FRMD7: variants seen among roughly 807,000 people sequenced by gnomAD.
FRMD7 encodes FERM domain containing 7.
In FRMD7, 14 loss-of-function variants were observed where a neutral mutation model predicts 44.1. The observed-to-expected ratio is 0.32, with a 90% CI of 0.21 to 0.50. The LOEUF (loss-of-function observed/expected upper bound fraction) is 0.50. Ranked by LOEUF, FRMD7 falls within the 20% of genes least tolerant of loss-of-function variation. FRMD7 has a pLI of 0.99. For synonymous variants in FRMD7, 212 were observed against 187.4 expected, an observed-to-expected ratio of 1.13 and a Z score of -1.07; for missense variants, 501 against 522.3, an observed-to-expected ratio of 0.96 and a Z score of 0.40.
intron 1 of FRMD7, among the ~76,000 whole-genome samples, chrX:132,109,816 T>C (rs1363506619): frequency 9.0e-6 from 1 of 111,330 alleles, no homozygotes; most frequent in Non-Finnish European, 1.9e-5. Flanking sequence ...AAGAAGAGTG[T>C]TAGAGGCAGA....
intron 3 of FRMD7, among the ~76,000 whole-genome samples, chrX:132,098,569 T>C (rs1384863053): frequency 9.0e-6 from 1 of 110,921 alleles, no homozygotes. Flanking sequence ...GTGATCCTTA[T>C]GCAGTGGGAA....
At chrX:132,107,568 G>A (rs1277091759) in intron 1 of FRMD7, among the ~76,000 whole-genome samples, 1 of 101,643 alleles carries the variant, frequency 9.8e-6, no homozygotes, top group African/African-American at 3.8e-5. Context: ...TTCTTGGTTT[G>A]TAAATGGCTG....
chrX:132,115,485 C>G (rs1404820128), intron 1 of FRMD7, among the ~76,000 whole-genome samples: 1 of 112,228 alleles, frequency 8.9e-6, no homozygotes, highest in Non-Finnish European at 1.9e-5. Context: ...AAAGAGAAAG[C>G]ATGGTTTAAC....
chrX:132,110,136 C>T (rs931791164), intron 1 of FRMD7, among the ~76,000 whole-genome samples: 1 of 111,355 alleles, frequency 9.0e-6, no homozygotes, highest in Non-Finnish European at 1.9e-5. Flanking sequence ...AATGCAGGTT[C>T]AGATTCTATA....
At chrX:132,087,113 T>G (rs942790712) in intron 5 of FRMD7, among the ~76,000 whole-genome samples, 4 of 112,320 alleles carry the variant, frequency 3.6e-5, no homozygotes, top group African/African-American at 6.5e-5. Context: ...TTTTGATTTT[T>G]GGATTCTTTT....
intron 1 of FRMD7, among the ~76,000 whole-genome samples, chrX:132,125,435 C>T (rs1602842937): frequency 8.9e-6 from 1 of 111,784 alleles, no homozygotes; most frequent in Admixed American, 9.5e-5. Flanking sequence ...TGGTTATGAT[C>T]CATGCCTCTT....
At position 132,080,152 on chromosome X, in the gene FRMD7, A is replaced by G. The variant is rs373562264; in HGVS notation, c.974+46T>C. ...ATACCAGGATACATAGAAATCTCCA[A>G]ATTCAACATAAAATCAACACGAGCA... On this transcript the variant is annotated intron_variant, in intron 10 of 11. Coordinates refer to ENST00000298542, the MANE Select transcript of FRMD7 (RefSeq NM_194277.3). 3 of 1,136,068 alleles carry G rather than the reference A, an allele frequency of 2.6e-6. No individual in the cohort carries two copies. The South Asian group carries it at 5.4e-5, about 21-fold the overall frequency. The allele number at this position is 1,136,068 out of a possible 1,213,427, so 93.6% of individuals were successfully genotyped here.
At chrX:132,084,697 C>G in intron 7 of FRMD7, 112 bp from the exon 8 acceptor site, 1 of 522,291 alleles carries the variant, frequency 1.9e-6, no homozygotes, top group Admixed American at 2.6e-5. Context: ...CTTGACCCAT[C>G]TCTTGCACAG....
chrX:132,117,087 G>C (rs1325176694), intron 1 of FRMD7, among the ~76,000 whole-genome samples: 2 of 112,194 alleles, frequency 1.8e-5, no homozygotes, highest in African/African-American at 3.2e-5. Flanking sequence ...ATTTCAATGA[G>C]CTGATACATG....
chrX:132,109,306 A>T (rs1350558858), intron 1 of FRMD7, among the ~76,000 whole-genome samples: 1 of 111,578 alleles, frequency 9.0e-6, no homozygotes, highest in Admixed American at 9.5e-5. Context: ...CTTAATAAAC[A>T]CTTTAAAAGT....
At chrX:132,107,760 G>A (rs1216689387) in intron 1 of FRMD7, among the ~76,000 whole-genome samples, 4 of 111,335 alleles carry the variant, frequency 3.6e-5, no homozygotes, top group Admixed American at 1.9e-4. Context: ...GAGGGTTAGC[G>A]CTTCAACATA....
chrX:132,119,165 G>A (rs1161906685), intron 1 of FRMD7, among the ~76,000 whole-genome samples: 1 of 112,383 alleles, frequency 8.9e-6, no homozygotes, highest in East Asian at 2.8e-4. Flanking sequence ...AGCCAACACA[G>A]TGTGTGGATT....
intron 1 of FRMD7, among the ~76,000 whole-genome samples, chrX:132,115,505 G>T (rs1928877006): frequency 8.9e-6 from 1 of 112,233 alleles, no homozygotes; most frequent in African/African-American, 3.2e-5. Flanking sequence ...CTTTCTAAAT[G>T]TAAAATTGTG....
chrX:132,109,820 A>G (rs1475599841), intron 1 of FRMD7, among the ~76,000 whole-genome samples: 1 of 111,718 alleles, frequency 9.0e-6, no homozygotes, highest in Non-Finnish European at 1.9e-5. Context: ...AGAGTGTTAG[A>G]GGCAGAAGAG....
At chrX:132,113,329 C>T (rs910612765) in intron 1 of FRMD7, among the ~76,000 whole-genome samples, 20 of 111,483 alleles carry the variant, frequency 1.8e-4, no homozygotes, top group African/African-American at 6.2e-4. Context: ...ATATGAGATA[C>T]CCAGGACAAA....
At chrX:132,110,426 G>A (rs780471275) in intron 1 of FRMD7, among the ~76,000 whole-genome samples, 15 of 111,175 alleles carry the variant, frequency 1.3e-4, no homozygotes, top group African/African-American at 4.9e-4. Context: ...AAGAGAGAGA[G>A]AGTGTCCTAG....
intron 4 of FRMD7, among the ~76,000 whole-genome samples, chrX:132,096,695 A>T (rs1273328426): frequency 1.0e-5 from 1 of 96,349 alleles, no homozygotes; most frequent in Non-Finnish European, 2.1e-5. Flanking sequence ...ATCCAACCTG[A>T]GGCAGAGCAA....
chrX:132,100,509 T>C lies in FRMD7; in HGVS notation c.162+103A>G, dbSNP rs1928469278. ...AATCATGTTGCAAGGGTGCACATAG[T>C]TTTTCATTTTTCAATCAGGGAATTG... On this transcript the variant is annotated intron_variant, in intron 2 of 11. Coordinates refer to ENST00000298542, the MANE Select transcript of FRMD7 (RefSeq NM_194277.3). 5.1e-6 allele frequency: 3 copies of C among 586,704 alleles called. No homozygotes were observed. The Admixed American group carries it at 7.0e-5, about 14-fold the overall frequency. 48.4% of individuals were successfully genotyped at this position (586,704 alleles called of 1,213,427 possible). A position where few individuals can be genotyped will look rare whatever the true frequency, so the allele number is the denominator to read the frequency against.
intron 5 of FRMD7, among the ~76,000 whole-genome samples, chrX:132,091,944 C>T (rs1158762276): frequency 8.9e-6 from 1 of 112,328 alleles, no homozygotes; most frequent in Non-Finnish European, 1.9e-5. Flanking sequence ...CCATCTCCCT[C>T]CTACGCTTCA....
Sources: allele counts gnomAD v4.1 joint callset (sites outside exome capture counted in the v4.1 genomes callset), GRCh38; gene constraint gnomAD v4.1.1; transcripts MANE v1.5; gene names NCBI Gene and HGNC (gene_info 2026-07-23, HGNC 2026-07-21).